The following FKBP5 variants were observed in gnomAD, a reference collection of about 807,000 sequenced individuals.
The protein encoded by FKBP5 is peptidyl-prolyl cis-trans isomerase FKBP5.
FKBP5 carries 23 observed loss-of-function variants against 50.5 expected under a neutral mutation model. The ratio of observed to expected loss-of-function variants is 0.46; its 90% CI spans 0.33 to 0.65. The LOEUF (loss-of-function observed/expected upper bound fraction) is 0.65, where lower values mean the gene tolerates loss of function less well. FKBP5 is among the 30% of genes least tolerant of loss of function. The pLI, the probability that FKBP5 is intolerant of heterozygous loss-of-function variation, is 0.02. For missense variants in FKBP5, 411 were observed against 553.1 expected, an observed-to-expected ratio of 0.74 and a Z score of 2.58; for synonymous variants, 176 against 190.6, an observed-to-expected ratio of 0.92 and a Z score of 0.63.
intron 1 of FKBP5, among the ~76,000 whole-genome samples, chr6:35,677,086 T>A (rs367551797): frequency 6.6e-6 from 1 of 152,218 alleles, no homozygotes; most frequent in African/African-American, 2.4e-5. Context: ...TGTGTTGTTT[T>A]GTTTTAAGAC....
chr6:35,651,962 C>A, intron 1 of FKBP5: 1 of 587,366 alleles, frequency 1.7e-6, no homozygotes, highest in Non-Finnish European at 2.3e-6. Flanking sequence ...TCAGGGACCC[C>A]AAACGGAGGA....
At chr6:35,700,744 G>A (rs1375907687) in intron 2 of FKBP5, among the ~76,000 whole-genome samples, 1 of 152,164 alleles carries the variant, frequency 6.6e-6, no homozygotes. Flanking sequence ...GATCACCTGA[G>A]GTCAGGAGTT....
At chr6:35,634,266 T>G (rs980672532) in intron 3 of FKBP5, among the ~76,000 whole-genome samples, 8 of 152,164 alleles carry the variant, frequency 5.3e-5, no homozygotes, top group African/African-American at 1.9e-4. Flanking sequence ...TTAGGTCACC[T>G]AAATAATGAT....
At chr6:35,690,602 G>A (rs1456564733), upstream of FKBP5, among the ~76,000 whole-genome samples, 1 of 152,188 alleles carries the variant, frequency 6.6e-6, no homozygotes, top group Non-Finnish European at 1.5e-5. Context: ...ACCAGTTGCC[G>A]AGGGGAGTCA....
At chr6:35,623,517 T>C (rs561513777) in intron 3 of FKBP5, among the ~76,000 whole-genome samples, 14 of 152,302 alleles carry the variant, frequency 9.2e-5, no homozygotes, top group African/African-American at 3.1e-4. Flanking sequence ...AAAGGTGATA[T>C]GCATTTTAAA....
intron 1 of FKBP5, among the ~76,000 whole-genome samples, chr6:35,647,907 T>A: frequency 6.6e-6 from 1 of 152,166 alleles, no homozygotes; most frequent in Non-Finnish European, 1.5e-5. Context: ...TCCAGAAAAA[T>A]TTTCTAGCAT....
chr6:35,611,237 CTCTTCT>C (rs558343839), intron 5 of FKBP5, among the ~76,000 whole-genome samples: 1 of 152,130 alleles, frequency 6.6e-6, no homozygotes, highest in Non-Finnish European at 1.5e-5. Context: ...TATTATTGAT[CTCTTCT>C]TCTTCTTTTG....
At chr6:35,728,122 T>G (rs960353523) in intron 1 of FKBP5, among the ~76,000 whole-genome samples, 1 of 152,096 alleles carries the variant, frequency 6.6e-6, no homozygotes, top group African/African-American at 2.4e-5. Context: ...TGGAACACAA[T>G]GTCCCGAGCG....
chr6:35,666,062 G>GAGGTA (rs1260087796), intron 1 of FKBP5, among the ~76,000 whole-genome samples: 1 of 151,922 alleles, frequency 6.6e-6, no homozygotes, highest in Admixed American at 6.6e-5. Context: ...AGTTTATCAG[G>GAGGTA]AGGTAAAACC....
At chr6:35,600,235 A>C (rs1763103648) in intron 5 of FKBP5, among the ~76,000 whole-genome samples, 1 of 152,050 alleles carries the variant, frequency 6.6e-6, no homozygotes. Context: ...GAGGTTCTAC[A>C]GGGAGTCTGA....
chr6:35,591,086 A>C, intron 7 of FKBP5, 44 bp downstream of exon 7: 1 of 1,280,284 alleles, frequency 7.8e-7, no homozygotes, highest in Non-Finnish European at 1.1e-6. Flanking sequence ...AAGTGGATGG[A>C]GAAGAAACCT....
chr6:35,627,928 A>ATTTTTTTTT lies in FKBP5; in HGVS notation c.251-7663_251-7655dup, dbSNP rs35468991. Among the ~76,000 whole-genome samples the ATTTTTTTTT allele has an allele frequency of 3.7e-4, 40 of 108,448 alleles. 1 individual carries two copies. Among genetic ancestry groups the ATTTTTTTTT allele is most frequent in the African/African-American group, 1.4e-3 (39 of 27,034 alleles). 71.1% of individuals were successfully genotyped at this position (108,448 alleles called of 152,430 possible). A position where few individuals can be genotyped will look rare whatever the true frequency, so the allele number is the denominator to read the frequency against. On this transcript the variant is annotated intron_variant, in intron 3 of 10. Transcript: ENST00000357266. ...AGGCATGCGCCACCATGCCCAGCTAATTTTTTTTTTTTTTTTTTTTTTTAG... is the reference window on the plus strand; with the variant it reads ...AGGCATGCGCCACCATGCCCAGCTAATTTTTTTTTTTTTTTTTTTTTTTTTTTTTTTTAG...
At chr6:35,723,627 A>G (rs926600545) in intron 1 of FKBP5, among the ~76,000 whole-genome samples, 1 of 152,252 alleles carries the variant, frequency 6.6e-6, no homozygotes, top group Non-Finnish European at 1.5e-5. Flanking sequence ...AAGGAAAGAT[A>G]AACAAAGAAG....
rs115307778 is a variant in FKBP5, at chr6:35,623,391, T to C, written c.251-3117A>G. On this transcript the variant is annotated intron_variant, in intron 3 of 10. Coordinates refer to ENST00000357266, the MANE Select transcript of FKBP5 (RefSeq NM_004117.4). Reference sequence around the variant, plus strand: ...TACCTCATTCTTAATGGGTGTATAATACTACAATCTTCTATTGATGCATAT... The same window carrying C: ...TACCTCATTCTTAATGGGTGTATAACACTACAATCTTCTATTGATGCATAT... Among the ~76,000 whole-genome samples the C allele has an allele frequency of 4.2e-3, 641 of 152,346 alleles. 4 individuals are homozygous for C. The highest frequency in any genetic ancestry group is 0.014 in the African/African-American group (591 of 41,582).
At chr6:35,584,930 C>T (rs761740144) in intron 8 of FKBP5, 9 of 985,328 alleles carry the variant, frequency 9.1e-6, no homozygotes, top group Non-Finnish European at 1.1e-5. Context: ...AGTAACTGTA[C>T]AGACACTCAT....
chr6:35,619,104 G>A lies in FKBP5; in HGVS notation c.500C>T (p.Thr167Ile). 6.2e-7 allele frequency: 1 copy of A among 1,610,044 alleles called. No homozygotes were observed. Among genetic ancestry groups the A allele is most frequent in the Non-Finnish European group, 8.5e-7 (1 of 1,176,538 alleles). The change falls in exon 5 of 11, where the codon ACA (threonine) becomes ATA (isoleucine). Residue 167 changes from threonine to isoleucine, a missense_variant. This residue lies in a region of FKBP5 where 267 missense variants were observed against 405.9 expected (regional missense o/e 0.66). Transcript: ENST00000357266. ...EGYSNPNEGA[T>I]VEIHLEGRCG... ...CTTACTTTAATACTTACTTTCTACT[G>A]TTGCTCCTTCGTTTGGATTTGAATA...
chr6:35,625,260 T>G (rs1373111703), intron 3 of FKBP5, among the ~76,000 whole-genome samples: 4 of 151,992 alleles, frequency 2.6e-5, no homozygotes, highest in African/African-American at 9.7e-5. Context: ...ATTTTTGTAT[T>G]TTTTGGTAGA....
chr6:35,693,659 A>G (rs1286613240), upstream of FKBP5, among the ~76,000 whole-genome samples: 1 of 151,328 alleles, frequency 6.6e-6, no homozygotes, highest in Non-Finnish European at 1.5e-5. Context: ...AGCTGGGATT[A>G]CAAGGCACAT....
chr6:35,698,110 AG>A (rs1766114337), intron 2 of FKBP5, among the ~76,000 whole-genome samples: 1 of 152,196 alleles, frequency 6.6e-6, no homozygotes, highest in Non-Finnish European at 1.5e-5. Flanking sequence ...TGGGAGGCCA[AG>A]GTGGGTGAAT....
Sources: allele counts gnomAD v4.1 joint callset (sites outside exome capture counted in the v4.1 genomes callset), GRCh38; gene constraint gnomAD v4.1.1; regional missense constraint gnomAD v4.1.1; transcripts MANE v1.5; gene names NCBI Gene and HGNC (gene_info 2026-07-23, HGNC 2026-07-21).